SUGCT: variants seen among roughly 807,000 people sequenced by gnomAD.
SUGCT encodes succinyl-CoA:glutarate CoA-transferase.
SUGCT carries 41 observed loss-of-function variants against 55.0 expected under a neutral mutation model. The observed-to-expected ratio is 0.74, with a 90% CI of 0.58 to 0.97. The LOEUF (loss-of-function observed/expected upper bound fraction) is 0.97, where lower values mean the gene tolerates loss of function less well. Ranked by LOEUF, SUGCT falls within the 50% of genes least tolerant of loss-of-function variation. The pLI is 0.00. For missense variants in SUGCT, 568 were observed against 547.8 expected (o/e 1.04, Z -0.37); for synonymous variants, 187 against 200.4 (o/e 0.93, Z 0.56).
chr7:40,147,570 C>A (rs549399114), intron 1 of SUGCT, among the ~76,000 whole-genome samples: 20 of 152,362 alleles, frequency 1.3e-4, no homozygotes, highest in Admixed American at 1.3e-3. Flanking sequence ...CAAGGAAATA[C>A]TTTACCCGCT....
chr7:40,434,253 A>G (rs1284766315), intron 9 of SUGCT, among the ~76,000 whole-genome samples: 1 of 152,212 alleles, frequency 6.6e-6, no homozygotes, highest in Non-Finnish European at 1.5e-5. Flanking sequence ...TGAGTAACTA[A>G]TGATTGAAAG....
At chr7:40,806,686 C>G (rs1791111479) in intron 13 of SUGCT, among the ~76,000 whole-genome samples, 1 of 152,110 alleles carries the variant, frequency 6.6e-6, no homozygotes, top group Non-Finnish European at 1.5e-5. Flanking sequence ...TACCATTCAA[C>G]CAAATTTCTT....
the SUGCT span, among the ~76,000 whole-genome samples, chr7:40,995,382 G>GTTATTATTATTATTATTA: frequency 0.013 from 1,916 of 145,552 alleles, 37 homozygotes; most frequent in African/African-American, 0.038. Flanking sequence ...TATAATAGCT[G>GTTATTATTATTATTATTA]TTATTATTAT....
chr7:40,912,819 T>A, the SUGCT span, among the ~76,000 whole-genome samples: 1 of 150,290 alleles, frequency 6.7e-6, no homozygotes, highest in Non-Finnish European at 1.5e-5. Flanking sequence ...CAACGTGGAG[T>A]TCACTATTTA....
the SUGCT span, among the ~76,000 whole-genome samples, chr7:40,941,982 G>A: frequency 6.6e-6 from 1 of 152,048 alleles, no homozygotes; most frequent in Non-Finnish European, 1.5e-5. Flanking sequence ...GTCTCTTGAA[G>A]ACAGAAGATA....
the SUGCT span, among the ~76,000 whole-genome samples, chr7:41,007,622 G>A: frequency 2.0e-5 from 3 of 152,024 alleles, no homozygotes; most frequent in African/African-American, 7.2e-5. Flanking sequence ...ATACTTACTT[G>A]ACTTTGAACT....
intron 11 of SUGCT, among the ~76,000 whole-genome samples, chr7:40,463,365 A>G (rs959829785): frequency 2.0e-5 from 3 of 152,224 alleles, no homozygotes; most frequent in Non-Finnish European, 4.4e-5. Flanking sequence ...ATTTTTACAA[A>G]GTTGGCTCTT....
Position 40,475,264 on chromosome 7 carries a change from G to A in SUGCT, c.986+16066G>A, listed in dbSNP as rs543396362. On this transcript the variant is annotated intron_variant, in intron 11 of 13. Coordinates refer to ENST00000335693, the MANE Select transcript of SUGCT (RefSeq NM_001193313.2). ...ATCTGACCAACATGACATCATCCAA[G>A]TCCTTGTTTGGGTTCAGCAATAGAC... Among the ~76,000 whole-genome samples the A allele has an allele frequency of 1.7e-3, 259 of 152,190 alleles. 3 individuals carry two copies. Among genetic ancestry groups the A allele is most frequent in the African/African-American group, 6.0e-3 (251 of 41,526 alleles).
intron 13 of SUGCT, among the ~76,000 whole-genome samples, chr7:40,792,339 A>G (rs1338825488): frequency 1.3e-5 from 2 of 152,134 alleles, no homozygotes; most frequent in African/African-American, 4.8e-5. Flanking sequence ...TCTTGTTCAC[A>G]TACTCAGAGT....
intron 13 of SUGCT, among the ~76,000 whole-genome samples, chr7:40,824,720 G>A (rs1792227185): frequency 6.6e-6 from 1 of 152,200 alleles, no homozygotes; most frequent in Non-Finnish European, 1.5e-5. Context: ...CAAGGTGCCA[G>A]TATCTTATGT....
At chr7:40,584,515 A>T (rs1027802150) in intron 12 of SUGCT, among the ~76,000 whole-genome samples, 1 of 152,208 alleles carries the variant, frequency 6.6e-6, no homozygotes, top group African/African-American at 2.4e-5. Flanking sequence ...TTTAGGGGAA[A>T]AGACCAGATA....
At chr7:40,299,620 C>T (rs1019940218) in intron 8 of SUGCT, among the ~76,000 whole-genome samples, 1 of 149,282 alleles carries the variant, frequency 6.7e-6, no homozygotes, top group Non-Finnish European at 1.5e-5. Flanking sequence ...TATATAAAAT[C>T]TCTTGGGTTT....
downstream of SUGCT, among the ~76,000 whole-genome samples, chr7:40,865,002 C>A (rs960443681): frequency 6.6e-6 from 1 of 151,972 alleles, no homozygotes; most frequent in East Asian, 1.9e-4. Context: ...GCTGCCTCCC[C>A]GCTCTTCCAT....
the SUGCT span, among the ~76,000 whole-genome samples, chr7:40,928,346 T>C: frequency 4.5e-4 from 69 of 152,096 alleles, no homozygotes; most frequent in Admixed American, 7.9e-4. Flanking sequence ...TTTTAAAACA[T>C]CTTTTCCTTT....
At chr7:40,364,127 G>C (rs1448964485) in intron 9 of SUGCT, among the ~76,000 whole-genome samples, 1 of 150,754 alleles carries the variant, frequency 6.6e-6, no homozygotes, top group African/African-American at 2.4e-5. Context: ...TCCGAGACTA[G>C]GATTGAAACC....
intron 12 of SUGCT, among the ~76,000 whole-genome samples, chr7:40,734,207 C>A (rs1363877475): frequency 6.6e-6 from 1 of 152,198 alleles, no homozygotes; most frequent in Non-Finnish European, 1.5e-5. Context: ...GAAGAAATGA[C>A]AAACTGCTAA....
At chr7:40,831,569 A>C (rs1194510796) in intron 13 of SUGCT, among the ~76,000 whole-genome samples, 1 of 152,232 alleles carries the variant, frequency 6.6e-6, no homozygotes, top group Non-Finnish European at 1.5e-5. Context: ...AGGGTCTTGC[A>C]GTCATCCTTG....
chr7:40,287,552 C>T (rs1180142060), intron 8 of SUGCT, among the ~76,000 whole-genome samples: 2 of 151,060 alleles, frequency 1.3e-5, no homozygotes, highest in Non-Finnish European at 2.9e-5. Flanking sequence ...GGCTGGAATG[C>T]AGTGGCATGA....
intron 9 of SUGCT, among the ~76,000 whole-genome samples, chr7:40,396,324 T>C (rs1187081281): frequency 2.0e-5 from 3 of 152,156 alleles, no homozygotes; most frequent in Non-Finnish European, 4.4e-5. Context: ...TTCCGAGAAT[T>C]ATTATGAATA....
Sources: allele counts gnomAD v4.1 joint callset (sites outside exome capture counted in the v4.1 genomes callset), GRCh38; gene constraint gnomAD v4.1.1; transcripts MANE v1.5; gene names NCBI Gene and HGNC (gene_info 2026-07-23, HGNC 2026-07-21).